Variants in AKAP9 observed in about 807,000 individuals in gnomAD.
The protein encoded by AKAP9 is A-kinase anchoring protein 9, also known as A-kinase anchor protein 9.
A neutral mutation model predicts 488.5 loss-of-function variants in AKAP9; 311 were observed. That is an observed-to-expected ratio of 0.64 (90% CI 0.58 to 0.70). AKAP9 has a LOEUF of 0.70. Among genes scored for constraint, AKAP9 ranks in the 30% least tolerant of loss-of-function variants. The probability of loss-of-function intolerance (pLI) is 0.00; values close to 1 mark genes in which losing one functional copy is unlikely to be tolerated. For missense variants in AKAP9, 4,215 were observed against 4,374.5 expected, an observed-to-expected ratio of 0.96 and a Z score of 1.03; for synonymous variants, 1,462 against 1,483.5, an observed-to-expected ratio of 0.99 and a Z score of 0.33.
At chr7:91,944,149 T>A (rs1344336967) in intron 1 of AKAP9, among the ~76,000 whole-genome samples, 2 of 152,122 alleles carry the variant, frequency 1.3e-5, no homozygotes, top group Admixed American at 1.3e-4. Flanking sequence ...AAAATAATTC[T>A]ACAAAGACTT....
intron 12 of AKAP9, among the ~76,000 whole-genome samples, chr7:92,018,061 A>G (rs1346837981): frequency 6.6e-6 from 1 of 152,264 alleles, no homozygotes; most frequent in Non-Finnish European, 1.5e-5. Context: ...CTAATAAAAT[A>G]AATGAAGAAG....
intron 24 of AKAP9, among the ~76,000 whole-genome samples, chr7:92,064,824 G>C (rs913025943): frequency 1.3e-5 from 2 of 152,072 alleles, no homozygotes; most frequent in Non-Finnish European, 1.5e-5. Context: ...AAATAAAATT[G>C]ACTTTATGGG....
At chr7:92,069,407 C>T (rs1157098804) in intron 26 of AKAP9, among the ~76,000 whole-genome samples, 6 of 152,138 alleles carry the variant, frequency 3.9e-5, no homozygotes, top group Non-Finnish European at 7.4e-5. Flanking sequence ...AGCAATATTA[C>T]TTGTGGTCTA....
At chr7:92,017,129 A>G (rs781642833) in intron 12 of AKAP9, 27 bp downstream of exon 12, 4 of 1,474,520 alleles carry the variant, frequency 2.7e-6, no homozygotes, top group African/African-American at 1.4e-5. Flanking sequence ...ATATATTGTA[A>G]TATTTGCATT....
intron 32 of AKAP9, 57 bp from the exon 33 acceptor site, chr7:92,083,113 A>G (rs1484422372): frequency 1.5e-5 from 23 of 1,584,904 alleles, no homozygotes; most frequent in Non-Finnish European, 1.8e-5. Flanking sequence ...TAAATTCTAC[A>G]TTTAATATGG....
chr7:91,955,808 A>G (rs1792914834), intron 1 of AKAP9, among the ~76,000 whole-genome samples: 1 of 151,942 alleles, frequency 6.6e-6, no homozygotes. Flanking sequence ...TAATTTTTGT[A>G]TTTTTGGTAG....
chr7:91,945,455 C>T (rs1221752809), intron 1 of AKAP9, among the ~76,000 whole-genome samples: 2 of 152,078 alleles, frequency 1.3e-5, no homozygotes, highest in Non-Finnish European at 2.9e-5. Context: ...TGCAGTGAAC[C>T]GAGGTTGTGC....
chr7:92,055,696 G>C (rs779141850), intron 22 of AKAP9, among the ~76,000 whole-genome samples: 3 of 151,946 alleles, frequency 2.0e-5, no homozygotes, highest in Non-Finnish European at 2.9e-5. Context: ...ATTTTTGATT[G>C]CAAGAAGTTT....
rs1434297278 is a variant in AKAP9, at chr7:92,083,189, C to T, written c.8180C>T (p.Thr2727Ile). 1.9e-6 allele frequency: 3 copies of T among 1,613,932 alleles called. No homozygotes were observed. The highest frequency in any genetic ancestry group is 2.2e-5 in the South Asian group (2 of 91,046). The change falls in exon 33 of 50, where the codon ACA becomes ATA. Residue 2727 changes from threonine (T) to isoleucine (I), a missense_variant. Transcript: ENST00000356239. ...TTTTAGGTAAAAGAAACAAATATGACATCTCTTCAGAAAGACTTAAGCCAA... is the reference window on the plus strand; with the variant it reads ...TTTTAGGTAAAAGAAACAAATATGATATCTCTTCAGAAAGACTTAAGCCAA... ...EELLVKETNM[T>I]SLQKDLSQVR...
At position 92,089,453 on chromosome 7, in the gene AKAP9, T is replaced by C. The variant is rs2130883722; in HGVS notation, c.9282T>C (p.Ile3094=). The C allele has an allele frequency of 2.5e-6, 4 of 1,612,946 alleles. No individual in the cohort carries two copies. The East Asian group carries it at 8.9e-5, about 36-fold the overall frequency. ...KADRRSLLSE[I]QALHAQMNGR... The stretch of plus-strand genomic sequence containing the variant: ...ATAGAAGGAGTTTGTTATCTGAAAT[T>C]CAGGCACTGCATGCACAAATGAATG... The change falls in exon 38 of 50, where the codon ATT becomes ATC. Residue 3094 remains isoleucine, a synonymous_variant. Transcript: ENST00000356239.
chr7:92,006,684 G>A (rs1230564824), intron 8 of AKAP9, among the ~76,000 whole-genome samples: 2 of 152,108 alleles, frequency 1.3e-5, no homozygotes, highest in African/African-American at 4.8e-5. Flanking sequence ...TAATGTGGAT[G>A]CCACACAGAT....
intron 49 of AKAP9, 118 bp downstream of exon 49, chr7:92,108,751 C>A: frequency 1.6e-6 from 2 of 1,240,320 alleles, no homozygotes; most frequent in Non-Finnish European, 2.3e-6. Flanking sequence ...AGTGCATGAG[C>A]TAATTATTAA....
chr7:92,089,570 G>A, intron 38 of AKAP9, 41 bp downstream of exon 38: 1 of 1,598,538 alleles, frequency 6.3e-7, no homozygotes, highest in Non-Finnish European at 8.6e-7. Context: ...ACAAACAGGT[G>A]AAAAGATTTC....
chr7:92,028,659 G>A (rs989206550), intron 14 of AKAP9, among the ~76,000 whole-genome samples: 4 of 152,126 alleles, frequency 2.6e-5, no homozygotes, highest in Admixed American at 2.0e-4. Context: ...ACATGTTCTA[G>A]CAAAGTTTTA....
chr7:92,012,603 C>T lies in AKAP9; in HGVS notation c.3493C>T (p.His1165Tyr). 6.2e-7 allele frequency: 1 copy of T among 1,613,376 alleles called. No individual in the cohort carries two copies. The highest frequency in any genetic ancestry group is 8.5e-7 in the Non-Finnish European group (1 of 1,179,548). ...AAAGATCAAGGAACTTCAGAAAATA[C>T]ACCAGTTAGAACTACAGACTATGAA... ...EEKIKELQKI[H>Y]QLELQTMKTQ... Residue 1165 changes from histidine to tyrosine, a missense_variant, in exon 9 of 50, where the codon CAC becomes TAC. This residue lies in a region of AKAP9 where 2,361 missense variants were observed against 2,430.0 expected (regional missense o/e 0.97). Coordinates refer to ENST00000356239, the MANE Select transcript of AKAP9 (RefSeq NM_005751.5).
intron 20 of AKAP9, chr7:92,042,976 A>G: frequency 2.7e-6 from 1 of 371,140 alleles, no homozygotes; most frequent in South Asian, 3.2e-5. Flanking sequence ...TTTTAAAAAA[A>G]TCTTTTCTAT....
chr7:91,995,748 A>G lies in AKAP9; in HGVS notation c.878A>G (p.Asp293Gly). The change falls in exon 7 of 50, where the codon GAC (aspartate) becomes GGC (glycine). Residue 293 changes from aspartate (D) to glycine (G), a missense_variant. By Grantham distance (94) the Asp-to-Gly change is moderately conservative. Around this residue, in one of 5 missense-constraint regions of AKAP9, gnomAD observed 2,361 missense variants for 2,430.0 expected, o/e 0.97. Coordinates refer to ENST00000356239, the MANE Select transcript of AKAP9 (RefSeq NM_005751.5). ...LLEDYQKKKE[D>G]FTMQISFLQE... Reference sequence around the variant, plus strand: ...GAAGATTATCAGAAAAAGAAAGAAGACTTCACAATGCAAATTAGTTTCTTG... The same window carrying G: ...GAAGATTATCAGAAAAAGAAAGAAGGCTTCACAATGCAAATTAGTTTCTTG... 1 of 1,613,090 alleles carries G rather than the reference A, an allele frequency of 6.2e-7. No individual in the cohort carries two copies. The highest frequency in any genetic ancestry group is 8.5e-7 in the Non-Finnish European group (1 of 1,179,102).
At chr7:91,979,151 G>T (rs915255708) in intron 2 of AKAP9, among the ~76,000 whole-genome samples, 1 of 151,886 alleles carries the variant, frequency 6.6e-6, no homozygotes, top group Admixed American at 6.6e-5. Context: ...CTTATTTGTG[G>T]AGAGTTGTAT....
At chr7:92,036,520 G>A (rs964290231) in intron 16 of AKAP9, among the ~76,000 whole-genome samples, 5 of 152,132 alleles carry the variant, frequency 3.3e-5, no homozygotes, top group Non-Finnish European at 7.4e-5. Flanking sequence ...AATCTTGGCA[G>A]TGGTATCTTC....
Sources: allele counts gnomAD v4.1 joint callset (sites outside exome capture counted in the v4.1 genomes callset), GRCh38; gene constraint gnomAD v4.1.1; regional missense constraint gnomAD v4.1.1; transcripts MANE v1.5; gene names NCBI Gene and HGNC (gene_info 2026-07-23, HGNC 2026-07-21).